SPATA16: variants seen among roughly 807,000 people sequenced by gnomAD.
SPATA16 encodes the protein spermatogenesis-associated protein 16.
A neutral mutation model predicts 63.3 loss-of-function variants in SPATA16; 36 were observed. The ratio of observed to expected loss-of-function variants is 0.57; its 90% CI spans 0.44 to 0.75. SPATA16 has a LOEUF of 0.75. Ranked by LOEUF, SPATA16 falls within the 30% of genes least tolerant of loss-of-function variation. The probability of loss-of-function intolerance (pLI) is 0.00; values close to 1 mark genes in which losing one functional copy is unlikely to be tolerated. For missense variants in SPATA16, 646 were observed against 679.3 expected, an observed-to-expected ratio of 0.95 and a Z score of 0.54; for synonymous variants, 203 against 216.7, an observed-to-expected ratio of 0.94 and a Z score of 0.56.
intron 5 of SPATA16, among the ~76,000 whole-genome samples, chr3:172,962,278 A>AAAAAT: frequency 6.7e-6 from 1 of 149,340 alleles, no homozygotes; most frequent in African/African-American, 2.4e-5. Flanking sequence ...AAAAAAAAAA[A>AAAAAT]GGACTCACAG....
chr3:172,930,485 C>CT (rs942985613), intron 6 of SPATA16, among the ~76,000 whole-genome samples: 1 of 151,148 alleles, frequency 6.6e-6, no homozygotes, highest in African/African-American at 2.4e-5. Flanking sequence ...CCAGATGTGT[C>CT]TAAGTCCCAT....
intron 2 of SPATA16, among the ~76,000 whole-genome samples, chr3:173,070,855 A>G (rs977242928): frequency 6.6e-6 from 1 of 152,256 alleles, no homozygotes; most frequent in Non-Finnish European, 1.5e-5. Flanking sequence ...ATGGTTTGGA[A>G]CAACCAATAT....
At chr3:172,912,849 G>A (rs564811641) in intron 10 of SPATA16, among the ~76,000 whole-genome samples, 8 of 152,254 alleles carry the variant, frequency 5.3e-5, no homozygotes, top group Admixed American at 6.5e-5. Context: ...TAACCACCAC[G>A]TTGTTCAAGG....
At chr3:173,034,165 A>G (rs1735665167) in intron 3 of SPATA16, among the ~76,000 whole-genome samples, 1 of 152,200 alleles carries the variant, frequency 6.6e-6, no homozygotes, top group Non-Finnish European at 1.5e-5. Flanking sequence ...AGAAAGGTAA[A>G]TACATACTTA....
intron 3 of SPATA16, among the ~76,000 whole-genome samples, chr3:173,024,531 G>C (rs1735407801): frequency 6.6e-6 from 1 of 150,684 alleles, no homozygotes; most frequent in African/African-American, 2.4e-5. Context: ...GTTAATTAAT[G>C]ATTCAAGAAA....
chr3:173,099,199 G>A (rs1737431331), intron 2 of SPATA16, among the ~76,000 whole-genome samples: 1 of 152,090 alleles, frequency 6.6e-6, no homozygotes, highest in Admixed American at 6.5e-5. Flanking sequence ...TCACAAGAAG[G>A]ATGAGTACAG....
At chr3:172,953,988 T>C (rs1399882554) in intron 6 of SPATA16, among the ~76,000 whole-genome samples, 1 of 152,250 alleles carries the variant, frequency 6.6e-6, no homozygotes, top group Admixed American at 6.5e-5. Flanking sequence ...ACACATCTGC[T>C]GTGTGACAGT....
chr3:172,924,104 C>CA, intron 8 of SPATA16, 104 bp downstream of exon 8: 2 of 958,034 alleles, frequency 2.1e-6, no homozygotes, highest in Non-Finnish European at 3.2e-6. Context: ...TGAACGTTTC[C>CA]AAAATCCCCT....
In SPATA16 at chr3:172,905,260, C is replaced by T. The variant is rs1431939425; in HGVS notation, c.1587+8401G>A. Among the ~76,000 whole-genome samples the T allele has an allele frequency of 2.6e-5, 4 of 152,174 alleles. No individual in the cohort carries two copies. The East Asian group carries it at 7.7e-4, about 29-fold the overall frequency. Reference sequence around the variant, plus strand: ...GAGACTCCTTAAAGAACAAGACACACAGGAAAAGGCTGACTGCTGGAAAGA... The same window carrying T: ...GAGACTCCTTAAAGAACAAGACACATAGGAAAAGGCTGACTGCTGGAAAGA... On this transcript the variant is annotated intron_variant, in intron 10 of 10. Coordinates refer to ENST00000351008, the MANE Select transcript of SPATA16 (RefSeq NM_031955.6).
At chr3:172,977,487 A>G (rs1577115354) in intron 4 of SPATA16, among the ~76,000 whole-genome samples, 2 of 152,266 alleles carry the variant, frequency 1.3e-5, no homozygotes, top group Admixed American at 1.3e-4. Context: ...TACCTGAGTT[A>G]AGTATTATTC....
chr3:173,082,973 A>G (rs1328355389), intron 2 of SPATA16, among the ~76,000 whole-genome samples: 1 of 152,130 alleles, frequency 6.6e-6, no homozygotes, highest in East Asian at 1.9e-4. Context: ...CCTGGCATCA[A>G]TTAGGTATTT....
chr3:173,140,930 T>A (rs545060481), intron 1 of SPATA16, among the ~76,000 whole-genome samples, 173 bp downstream of exon 1: 92 of 152,296 alleles, frequency 6.0e-4, no homozygotes, highest in African/African-American at 2.2e-3. Context: ...CTTGGTTACT[T>A]ATTAGGGCTT....
At chr3:172,897,351 T>C (rs1732029040) in intron 10 of SPATA16, among the ~76,000 whole-genome samples, 1 of 152,160 alleles carries the variant, frequency 6.6e-6, no homozygotes, top group Admixed American at 6.5e-5. Flanking sequence ...TTGATTACTG[T>C]AGCCATATAA....
At chr3:172,964,122 C>A (rs1733852953) in intron 5 of SPATA16, among the ~76,000 whole-genome samples, 1 of 152,120 alleles carries the variant, frequency 6.6e-6, no homozygotes, top group African/African-American at 2.4e-5. Context: ...ATCACTCACA[C>A]CTACTGGCCA....
chr3:173,069,518 A>G (rs1218195232), intron 2 of SPATA16, among the ~76,000 whole-genome samples: 1 of 152,244 alleles, frequency 6.6e-6, no homozygotes, highest in African/African-American at 2.4e-5. Flanking sequence ...AGAAAAGCCC[A>G]GGACCTTATG....
intron 1 of SPATA16, among the ~76,000 whole-genome samples, chr3:173,119,386 A>G (rs745848402): frequency 2.6e-5 from 4 of 152,346 alleles, no homozygotes; most frequent in Admixed American, 6.5e-5. Flanking sequence ...AGGGAGAACC[A>G]TAACTGTTCC....
At chr3:173,116,524 T>C (rs892904397) in intron 2 of SPATA16, among the ~76,000 whole-genome samples, 5 of 152,232 alleles carry the variant, frequency 3.3e-5, no homozygotes, top group African/African-American at 1.2e-4. Context: ...TATGCCAAGG[T>C]ATTCACAAAC....
In SPATA16 at chr3:173,020,848, G is replaced by C. The variant is rs990878679; in HGVS notation, c.759-1273C>G. Among the ~76,000 whole-genome samples the C allele has an allele frequency of 2.0e-5, 3 of 152,290 alleles. No individual in the cohort carries two copies. In the East Asian group the frequency reaches 5.8e-4, roughly 29 times the overall value. Reference sequence around the variant, plus strand: ...ACGCATGATTATTAAGCAACATTTTGTGAGCCTATTTTTACAAGTTGATGG... The same window carrying C: ...ACGCATGATTATTAAGCAACATTTTCTGAGCCTATTTTTACAAGTTGATGG... On this transcript the variant is annotated intron_variant, in intron 3 of 10. Coordinates refer to ENST00000351008, the MANE Select transcript of SPATA16 (RefSeq NM_031955.6).
At chr3:173,050,143 G>A (rs528315797) in intron 2 of SPATA16, among the ~76,000 whole-genome samples, 36 of 152,124 alleles carry the variant, frequency 2.4e-4, no homozygotes, top group Non-Finnish European at 3.8e-4. Context: ...GTCTTGAGAC[G>A]GTTTTGCCAT....
Sources: allele counts gnomAD v4.1 joint callset (sites outside exome capture counted in the v4.1 genomes callset), GRCh38; gene constraint gnomAD v4.1.1; transcripts MANE v1.5; gene names NCBI Gene and HGNC (gene_info 2026-07-23, HGNC 2026-07-21).